The following CNTNAP2 variants were observed in gnomAD, a reference collection of about 807,000 sequenced individuals.
CNTNAP2 encodes contactin-associated protein-like 2.
A neutral mutation model predicts 155.2 loss-of-function variants in CNTNAP2; 98 were observed. That is an observed-to-expected ratio of 0.63 (90% CI 0.54 to 0.75). CNTNAP2 has a LOEUF of 0.75. Among genes scored for constraint, CNTNAP2 ranks in the 30% least tolerant of loss-of-function variants. CNTNAP2 has a pLI of 0.00. For synonymous variants in CNTNAP2, 651 were observed against 631.2 expected (o/e 1.03, Z -0.47); for missense variants, 1,727 against 1,688.1 (o/e 1.02, Z -0.40).
At chr7:146,670,924 C>A (rs1800292397) in intron 1 of CNTNAP2, among the ~76,000 whole-genome samples, 1 of 152,174 alleles carries the variant, frequency 6.6e-6, no homozygotes, top group Non-Finnish European at 1.5e-5. Flanking sequence ...AAGGCAACCC[C>A]ATTCCCTTAA....
intron 13 of CNTNAP2, among the ~76,000 whole-genome samples, chr7:147,796,037 C>T (rs1257136851): frequency 3.3e-5 from 5 of 152,164 alleles, no homozygotes; most frequent in Non-Finnish European, 7.4e-5. Context: ...AAACTACTCA[C>T]TGGCCAGTAG....
rs1334528444 is a variant in CNTNAP2 at position 146,595,259 on chromosome 7, G to C, written c.98-179012G>C. On this transcript the variant is annotated intron_variant, in intron 1 of 23. Transcript: ENST00000361727. The stretch of plus-strand genomic sequence containing the variant: ...TACTCTATATATTATTTCATCACTA[G>C]TGTTCCTTGAAACTGAATTTTACAA... Among the ~76,000 whole-genome samples, 3 of 151,984 alleles carry C rather than the reference G, an allele frequency of 2.0e-5. No homozygotes were observed. The East Asian group carries it at 5.8e-4, about 29-fold the overall frequency.
chr7:146,902,390 C>T (rs1167414566), intron 3 of CNTNAP2, among the ~76,000 whole-genome samples: 1 of 152,174 alleles, frequency 6.6e-6, no homozygotes, highest in Non-Finnish European at 1.5e-5. Context: ...CAGTAACGTA[C>T]ATTTCTTCTA....
chr7:147,974,330 C>T (rs1447872966), intron 14 of CNTNAP2, among the ~76,000 whole-genome samples: 4 of 152,140 alleles, frequency 2.6e-5, no homozygotes, highest in African/African-American at 9.7e-5. Flanking sequence ...ACATTACTGG[C>T]TGGGTGTAGT....
At chr7:147,706,623 T>A (rs1287828244) in intron 13 of CNTNAP2, among the ~76,000 whole-genome samples, 1 of 152,172 alleles carries the variant, frequency 6.6e-6, no homozygotes, top group Non-Finnish European at 1.5e-5. Context: ...CTTTAGGAAT[T>A]GTATTTGTAT....
intron 2 of CNTNAP2, among the ~76,000 whole-genome samples, chr7:146,813,294 C>T (rs1385124953): frequency 6.6e-6 from 1 of 152,180 alleles, no homozygotes; most frequent in Non-Finnish European, 1.5e-5. Context: ...TGAAAGCAGC[C>T]AACAGAAGGG....
chr7:147,494,423 C>A (rs1798659434), intron 11 of CNTNAP2, among the ~76,000 whole-genome samples: 1 of 130,958 alleles, frequency 7.6e-6, no homozygotes, highest in African/African-American at 3.0e-5. Flanking sequence ...TTTGCAAAGA[C>A]TCTTTCAATA....
In CNTNAP2 at chr7:147,965,572, A is replaced by AT. The variant is rs1449177416; in HGVS notation, c.2256-12285dup. On this transcript the variant is annotated intron_variant, in intron 14 of 23. Transcript: ENST00000361727. ...ATGCTTTAATTTTTTGATAACGGAC[A>AT]TTTTTGCAATATTTAACATAATATA... 1.1e-4 allele frequency among the ~76,000 whole-genome samples: 17 copies of AT among 151,668 alleles called. No homozygotes were observed. In the East Asian group the frequency reaches 2.9e-3, roughly 26 times the overall value.
At chr7:148,226,979 C>T (rs1795863797) in intron 19 of CNTNAP2, among the ~76,000 whole-genome samples, 1 of 152,180 alleles carries the variant, frequency 6.6e-6, no homozygotes, top group South Asian at 2.1e-4. Context: ...ATTCTTTCCT[C>T]TGAGGAGGCA....
At chr7:147,044,416 A>G (rs947052673) in intron 4 of CNTNAP2, among the ~76,000 whole-genome samples, 10 of 152,260 alleles carry the variant, frequency 6.6e-5, no homozygotes, top group African/African-American at 2.4e-4. Context: ...ATTGTTATCT[A>G]TGTATTTGGG....
At chr7:148,016,154 A>G (rs1802173741) in intron 15 of CNTNAP2, among the ~76,000 whole-genome samples, 1 of 152,222 alleles carries the variant, frequency 6.6e-6, no homozygotes, top group East Asian at 1.9e-4. Context: ...GAAGACACCC[A>G]GCATCTTGCA....
At chr7:147,368,025 CCCTCCT>C (rs1354201232) in intron 9 of CNTNAP2, among the ~76,000 whole-genome samples, 3 of 117,050 alleles carry the variant, frequency 2.6e-5, no homozygotes, top group East Asian at 5.1e-4. Context: ...CCCCCCCTCC[CCCTCCT>C]CCTCTGTCCC....
intron 1 of CNTNAP2, among the ~76,000 whole-genome samples, chr7:146,520,290 ATATC>A (rs1339661509): frequency 7.8e-6 from 1 of 127,962 alleles, no homozygotes; most frequent in African/African-American, 2.8e-5. Context: ...TATAAAATAT[ATATC>A]TAGATATCTA....
At chr7:146,495,595 A>G (rs569927411) in intron 1 of CNTNAP2, among the ~76,000 whole-genome samples, 3 of 146,968 alleles carry the variant, frequency 2.0e-5, no homozygotes, top group Non-Finnish European at 4.5e-5. Context: ...GCACTACAGT[A>G]TAAGCATTAA....
intron 8 of CNTNAP2, among the ~76,000 whole-genome samples, chr7:147,189,434 T>G (rs1802633758): frequency 6.6e-6 from 1 of 152,132 alleles, no homozygotes; most frequent in Admixed American, 6.5e-5. Flanking sequence ...TTTCCTACAA[T>G]GTACAGATAG....
intron 1 of CNTNAP2, among the ~76,000 whole-genome samples, chr7:146,263,227 G>A (rs961474617): frequency 6.6e-6 from 1 of 150,502 alleles, no homozygotes; most frequent in African/African-American, 2.5e-5. Context: ...GCTGAGGCAA[G>A]AGAATCCCTT....
intron 1 of CNTNAP2, among the ~76,000 whole-genome samples, chr7:146,485,512 G>C (rs763829671): frequency 2.6e-5 from 4 of 152,194 alleles, no homozygotes; most frequent in African/African-American, 9.6e-5. Context: ...AGATGGGTCT[G>C]ATTTCTGAAC....
chr7:147,658,134 G>A lies in CNTNAP2; in HGVS notation c.2098+18828G>A, dbSNP rs1795554354. The stretch of plus-strand genomic sequence containing the variant: ...TAGCCGGGCGTAGTGGCGGGCGCCT[G>A]TGGTCCCAGCTACTTGGGAGGCTGA... On this transcript the variant is annotated intron_variant, in intron 13 of 23. Transcript: ENST00000361727. Among the ~76,000 whole-genome samples the A allele has an allele frequency of 2.1e-5, 3 of 142,920 alleles. No individual in the cohort carries two copies. The South Asian group carries it at 7.0e-4, about 33-fold the overall frequency. 93.8% of individuals were successfully genotyped at this position (142,920 alleles called of 152,430 possible). A position where few individuals can be genotyped will look rare whatever the true frequency, so the allele number is the denominator to read the frequency against.
Position 147,622,778 on chromosome 7 carries a change from A to G in CNTNAP2, c.1898-16328A>G, listed in dbSNP as rs530059303. 9.9e-5 allele frequency among the ~76,000 whole-genome samples: 15 copies of G among 152,186 alleles called. No individual in the cohort carries two copies. The East Asian group carries it at 2.5e-3, about 25-fold the overall frequency. On this transcript the variant is annotated intron_variant, in intron 12 of 23. Transcript: ENST00000361727. Reference sequence around the variant, plus strand: ...TTAGTGGAAGAAAGAAATAATAAAGATCAGAGCATAAATAAATAAAATTGA... The same window carrying G: ...TTAGTGGAAGAAAGAAATAATAAAGGTCAGAGCATAAATAAATAAAATTGA...
Sources: gnomAD v4.1 joint callset for allele counts (sites outside exome capture counted in the v4.1 genomes callset) on GRCh38, gnomAD v4.1.1 for gene constraint, MANE v1.5 for transcripts, NCBI Gene and HGNC (gene_info 2026-07-23, HGNC 2026-07-21) for gene names.